RIOX2: variants seen among roughly 807,000 people sequenced by gnomAD.
RIOX2 encodes 60S ribosomal protein L27a histidine hydroxylase.
A neutral mutation model predicts 51.2 loss-of-function variants in RIOX2; 43 were observed. That is an observed-to-expected ratio of 0.84 (90% CI 0.66 to 1.08). RIOX2 has a LOEUF of 1.08. RIOX2 is among the 50% of genes least tolerant of loss of function. RIOX2 has a pLI of 0.00. For synonymous variants in RIOX2, 226 were observed against 218.5 expected, an observed-to-expected ratio of 1.03 and a Z score of -0.30; for missense variants, 566 against 561.7, an observed-to-expected ratio of 1.01 and a Z score of -0.08.
intron 7 of RIOX2, among the ~76,000 whole-genome samples, chr3:97,949,375 G>A (rs1369570387): frequency 3.9e-5 from 6 of 152,082 alleles, no homozygotes; most frequent in Admixed American, 1.3e-4. Flanking sequence ...TCCAAATGCA[G>A]ATACCAGCAC....
At chr3:97,969,466 A>G (rs1410675466) in intron 1 of RIOX2, among the ~76,000 whole-genome samples, 2 of 152,224 alleles carry the variant, frequency 1.3e-5, no homozygotes, top group Non-Finnish European at 2.9e-5. Context: ...CCTGACTGCT[A>G]TCCTTTGAAA....
At chr3:97,965,210 T>A (rs1313045811) in intron 2 of RIOX2, among the ~76,000 whole-genome samples, 6 of 114,900 alleles carry the variant, frequency 5.2e-5, no homozygotes, top group African/African-American at 1.0e-4. Flanking sequence ...ACAAAGAGAT[T>A]AAAAAAAAAA....
rs1203047017 is a variant in RIOX2, at chr3:97,944,193, T to G, written c.*991A>C. ...ATTTGAACCTTGACCTTACCATCTC[T>G]TTAAGTAAACGTGGAGTTGATTTCT... On this transcript the variant is annotated 3_prime_UTR_variant, in exon 10 of 10. Coordinates refer to ENST00000394198, the MANE Select transcript of RIOX2 (RefSeq NM_153182.4). The G allele has an allele frequency of 6.6e-6, 1 of 151,812 alleles. No individual in the cohort carries two copies. The highest frequency in any genetic ancestry group is 1.5e-5 in the Non-Finnish European group (1 of 67,868). 9.4% of individuals were successfully genotyped at this position (151,812 alleles called of 1,614,324 possible). A position where few individuals can be genotyped will look rare whatever the true frequency, so the allele number is the denominator to read the frequency against.
At position 97,942,597 on chromosome 3, in the gene RIOX2, A is replaced by G; in HGVS notation, c.*2587T>C. 2 of 699,736 alleles carry G rather than the reference A, an allele frequency of 2.9e-6. No homozygotes were observed. Among genetic ancestry groups the G allele is most frequent in the Non-Finnish European group, 4.5e-6 (2 of 444,444 alleles). The allele number at this position is 699,736 out of a possible 1,614,324, so 43.3% of individuals were successfully genotyped here. On this transcript the variant is annotated 3_prime_UTR_variant, in exon 10 of 10. Transcript: ENST00000394198. Reference sequence around the variant, plus strand: ...AAAATTAAGATAGGCAGTTTTACAAACAAAACAATTAGCAGAAAAAGCCAA... The same window carrying G: ...AAAATTAAGATAGGCAGTTTTACAAGCAAAACAATTAGCAGAAAAAGCCAA...
chr3:97,959,253 A>T (rs1299867948), intron 3 of RIOX2, 74 bp from the exon 4 acceptor site: 1 of 1,457,496 alleles, frequency 6.9e-7, no homozygotes, highest in East Asian at 2.6e-5. Flanking sequence ...CCGGACTATT[A>T]GCCCTCTAAG....
intron 4 of RIOX2, among the ~76,000 whole-genome samples, chr3:97,955,778 G>C (rs1337950385): frequency 6.6e-6 from 1 of 152,088 alleles, no homozygotes; most frequent in Non-Finnish European, 1.5e-5. Context: ...GCAAACATCA[G>C]TGTACTTACA....
At chr3:97,967,702 C>T (rs1279156035) in intron 1 of RIOX2, 70 bp from the exon 2 acceptor site, 76 of 1,080,432 alleles carry the variant, frequency 7.0e-5, no homozygotes, top group Middle Eastern at 2.1e-4. Flanking sequence ...GTGGATCGCG[C>T]GCACACACAA....
rs747442689 is a variant in RIOX2, at chr3:97,949,984, C to A, written c.920G>T (p.Arg307Leu). Residue 307 changes from arginine (R) to leucine (L), a missense_variant, in exon 7 of 10, where the codon CGA (arginine) becomes CTA (leucine). Arg to Leu is a moderately radical substitution (Grantham distance 102). Coordinates refer to ENST00000394198, the MANE Select transcript of RIOX2 (RefSeq NM_153182.4). ...AAGTGTCCTCAGGAAGCCACTTAATCGTCTTGTAGCAACAGTTGTGGATTC... is the reference window on the plus strand; with the variant it reads ...AAGTGTCCTCAGGAAGCCACTTAATAGTCTTGTAGCAACAGTTGTGGATTC... ...QVESTTVATRRLSGFLRTLAD... is the reference protein window; with the variant it reads ...QVESTTVATRLLSGFLRTLAD... The A allele has an allele frequency of 5.0e-6, 8 of 1,613,706 alleles. 1 individual carries two copies. Among genetic ancestry groups the A allele is most frequent in the Middle Eastern group, 1.7e-4 (1 of 5,950 alleles).
chr3:97,963,495 A>G (rs1163894230), intron 2 of RIOX2, among the ~76,000 whole-genome samples: 2 of 152,222 alleles, frequency 1.3e-5, no homozygotes, highest in Non-Finnish European at 2.9e-5. Flanking sequence ...CACAGAAAAA[A>G]TAATTTAATG....
At chr3:97,953,758 C>A (rs1418325507) in intron 5 of RIOX2, among the ~76,000 whole-genome samples, 5 of 152,276 alleles carry the variant, frequency 3.3e-5, no homozygotes, top group African/African-American at 1.2e-4. Context: ...AGCACTGCCA[C>A]CCAGTGAGGA....
chr3:97,958,001 C>T (rs1275814472), intron 4 of RIOX2, among the ~76,000 whole-genome samples: 1 of 152,108 alleles, frequency 6.6e-6, no homozygotes, highest in Non-Finnish European at 1.5e-5. Context: ...ATTTTCTGGT[C>T]CATGGGCCAC....
At chr3:97,967,018 AT>A in intron 2 of RIOX2, 143 bp downstream of exon 2, 1 of 822,936 alleles carries the variant, frequency 1.2e-6, no homozygotes, top group Non-Finnish European at 1.9e-6. Flanking sequence ...GTTAGAATGC[AT>A]TTAGACCAAA....
chr3:97,967,294 C>T lies in RIOX2; in HGVS notation c.300G>A (p.Val100=), dbSNP rs369651976. 3.1e-6 allele frequency: 5 copies of T among 1,614,074 alleles called. No homozygotes were observed. The highest frequency in any genetic ancestry group is 4.2e-6 in the Non-Finnish European group (5 of 1,180,048). Residue 100 remains valine, a synonymous_variant, in exon 2 of 10, where the codon GTG becomes GTA. Transcript: ENST00000394198. ...CSRGMYYGRD[V]NVCRCVNGKK... is the part of the protein sequence containing the mutation. ...TCCCATTGACACACCGGCAGACATT[C>T]ACATCTCTTCCATAGTACATCCCCC...
intron 1 of RIOX2, among the ~76,000 whole-genome samples, chr3:97,970,326 T>C (rs963064976): frequency 4.6e-5 from 7 of 152,234 alleles, no homozygotes; most frequent in East Asian, 1.9e-4. Context: ...TCTGTGTTCA[T>C]GTTGAAATGA....
chr3:97,970,652 T>A (rs1187816142), intron 1 of RIOX2, among the ~76,000 whole-genome samples: 2 of 152,138 alleles, frequency 1.3e-5, no homozygotes, highest in South Asian at 4.1e-4. Flanking sequence ...ACCACCCCAA[T>A]AGGAGTAAAT....
In RIOX2 at chr3:97,959,146, A is replaced by G; in HGVS notation, c.586T>C (p.Trp196Arg). The change falls in exon 4 of 10, where the codon TGG (tryptophan) becomes CGG (arginine). Residue 196 changes from tryptophan (W) to arginine (R), a missense_variant. Coordinates refer to ENST00000394198, the MANE Select transcript of RIOX2 (RefSeq NM_153182.4). Reference protein sequence around the residue: ...FILQLEGEKHWRLYHPTVPLA... With the variant: ...FILQLEGEKHRRLYHPTVPLA... ...GGCACAGTGGGGTGGTAGAGGCGCC[A>G]GTGTTTCTCTCCCTCCAGCTGCAGG... The G allele has an allele frequency of 1.2e-6, 2 of 1,614,010 alleles. No individual in the cohort carries two copies. Among genetic ancestry groups the G allele is most frequent in the African/African-American group, 2.7e-5 (2 of 75,008 alleles).
chr3:97,962,360 C>T (rs865927938), intron 2 of RIOX2, among the ~76,000 whole-genome samples: 1 of 86,396 alleles, frequency 1.2e-5, no homozygotes, highest in African/African-American at 4.6e-5. Flanking sequence ...GCTAAGACCC[C>T]CCCCCCCCCC....
chr3:97,942,475 C>T lies in RIOX2; in HGVS notation c.*2709G>A. ...CTTTGATGATACCCAATGTTGTGTC[C>T]CTGGATATTAGTTTCAGTTCCAAAT... is the stretch of plus-strand genomic sequence containing the variant. On this transcript the variant is annotated 3_prime_UTR_variant, in exon 10 of 10. Transcript: ENST00000394198. 6.4e-7 allele frequency: 1 copy of T among 1,552,800 alleles called. No individual in the cohort carries two copies. Among genetic ancestry groups the T allele is most frequent in the Admixed American group, 1.8e-5 (1 of 56,602 alleles).
chr3:97,942,917 A>G lies in RIOX2; in HGVS notation c.*2267T>C, dbSNP rs1233876706. ...TCACAGTTTTGTTGGTGTAGAAACA[A>G]AAACACAGTACCTGACATTCAGCCA... On this transcript the variant is annotated 3_prime_UTR_variant, in exon 10 of 10. Transcript: ENST00000394198. 1 of 290,810 alleles carries G rather than the reference A, an allele frequency of 3.4e-6. No individual in the cohort carries two copies. Among genetic ancestry groups the G allele is most frequent in the Non-Finnish European group, 6.2e-6 (1 of 160,244 alleles). The allele number at this position is 290,810 out of a possible 1,614,324, so 18.0% of individuals were successfully genotyped here.
Sources: allele counts gnomAD v4.1 joint callset (sites outside exome capture counted in the v4.1 genomes callset), GRCh38; gene constraint gnomAD v4.1.1; transcripts MANE v1.5; gene names NCBI Gene and HGNC (gene_info 2026-07-23, HGNC 2026-07-21).